The following FRMD4A variants were observed in gnomAD, a reference collection of about 807,000 sequenced individuals.
FRMD4A encodes the protein FERM domain containing 4A, also known as FERM domain-containing protein 4A.
FRMD4A carries 29 observed loss-of-function variants against 129.1 expected under a neutral mutation model. The ratio of observed to expected loss-of-function variants is 0.22; its 90% CI spans 0.17 to 0.31. The LOEUF (loss-of-function observed/expected upper bound fraction) is 0.31, where lower values mean the gene tolerates loss of function less well. Among genes scored for constraint, FRMD4A ranks in the 10% least tolerant of loss-of-function variants. The pLI is 1.00. For synonymous variants in FRMD4A, 634 were observed against 571.6 expected, an observed-to-expected ratio of 1.11 and a Z score of -1.56; for missense variants, 1,272 against 1,375.8, an observed-to-expected ratio of 0.92 and a Z score of 1.19.
At chr10:14,162,171 A>G (rs1840924630) in intron 2 of FRMD4A, among the ~76,000 whole-genome samples, 1 of 152,156 alleles carries the variant, frequency 6.6e-6, no homozygotes, top group African/African-American at 2.4e-5. Context: ...CTTATAGCAC[A>G]TCTCAAGGCA....
chr10:14,180,141 T>C (rs1022791106), intron 2 of FRMD4A, among the ~76,000 whole-genome samples: 15 of 152,206 alleles, frequency 9.9e-5, no homozygotes, highest in Non-Finnish European at 1.9e-4. Context: ...TTTTATAAGA[T>C]TGGAGAGGTG....
At chr10:13,927,045 G>A (rs2095141197) in intron 2 of FRMD4A, among the ~76,000 whole-genome samples, 1 of 152,134 alleles carries the variant, frequency 6.6e-6, no homozygotes, top group Non-Finnish European at 1.5e-5. Context: ...CTTGAGGTCA[G>A]GACTTGAAGA....
intron 2 of FRMD4A, among the ~76,000 whole-genome samples, chr10:14,279,020 C>G (rs1204224969): frequency 6.6e-6 from 1 of 152,040 alleles, no homozygotes; most frequent in Non-Finnish European, 1.5e-5. Context: ...TTCTCTAATG[C>G]ATCTAACAGT....
intron 6 of FRMD4A, among the ~76,000 whole-genome samples, chr10:13,781,055 C>T (rs2092719731): frequency 1.3e-5 from 2 of 152,158 alleles, no homozygotes; most frequent in Admixed American, 6.5e-5. Flanking sequence ...GTAATCCCAG[C>T]ACTTTGGAAG....
chr10:14,323,930 C>T (rs1487982352), intron 2 of FRMD4A, among the ~76,000 whole-genome samples: 1 of 152,192 alleles, frequency 6.6e-6, no homozygotes, highest in Non-Finnish European at 1.5e-5. Context: ...AAGAATCTGC[C>T]AGAAAATGAA....
chr10:13,899,927 G>A (rs915369989), intron 2 of FRMD4A, among the ~76,000 whole-genome samples: 1 of 152,162 alleles, frequency 6.6e-6, no homozygotes, highest in Non-Finnish European at 1.5e-5. Flanking sequence ...TTCCTAACCT[G>A]CACCATATGG....
intron 12 of FRMD4A, chr10:13,729,514 T>C (rs1010993751): frequency 5.3e-5 from 8 of 152,248 alleles, no homozygotes; most frequent in African/African-American, 1.9e-4. Flanking sequence ...ATATTTCCTG[T>C]AAATATTATT....
intron 5 of FRMD4A, among the ~76,000 whole-genome samples, chr10:13,787,626 A>AT (rs2092900631): frequency 6.6e-6 from 1 of 151,776 alleles, no homozygotes; most frequent in Non-Finnish European, 1.5e-5. Flanking sequence ...ATGCTGACTA[A>AT]TTTTTTATTT....
chr10:14,294,236 A>C (rs566366069), intron 2 of FRMD4A, among the ~76,000 whole-genome samples: 19 of 152,312 alleles, frequency 1.2e-4, no homozygotes, highest in African/African-American at 4.6e-4. Context: ...TATTTTGTGC[A>C]TATGATGTAT....
chr10:14,090,604 CAG>C (rs1836605188), intron 2 of FRMD4A, among the ~76,000 whole-genome samples: 1 of 152,142 alleles, frequency 6.6e-6, no homozygotes, highest in African/African-American at 2.4e-5. Context: ...ATCGATTGCC[CAG>C]AGAGTGGGGG....
intron 2 of FRMD4A, among the ~76,000 whole-genome samples, chr10:14,029,027 C>T (rs1286263531): frequency 2.0e-5 from 3 of 152,134 alleles, no homozygotes; most frequent in African/African-American, 7.2e-5. Flanking sequence ...TGGGGCTGGC[C>T]GGTTGAGAAT....
intron 6 of FRMD4A, among the ~76,000 whole-genome samples, chr10:13,779,106 C>G (rs1435499999): frequency 6.6e-6 from 1 of 152,118 alleles, no homozygotes; most frequent in Non-Finnish European, 1.5e-5. Context: ...ATCATGAGGT[C>G]AGGCGTTCGA....
chr10:13,784,576 C>G lies in FRMD4A; in HGVS notation c.300-1570G>C, dbSNP rs142203714. Among the ~76,000 whole-genome samples, 966 of 152,276 alleles carry G rather than the reference C, an allele frequency of 6.3e-3. 13 individuals carry two copies. Among genetic ancestry groups the G allele is most frequent in the African/African-American group, 0.017 (721 of 41,548 alleles). The stretch of plus-strand genomic sequence containing the variant: ...CTTCAAATGATACTTTTAGATTCCA[C>G]TGGGAAATGGAAGAGGAGGAGAGTT... On this transcript the variant is annotated intron_variant, in intron 5 of 24. Coordinates refer to ENST00000357447, the MANE Select transcript of FRMD4A (RefSeq NM_018027.5).
At chr10:14,302,683 C>A (rs1846223685) in intron 2 of FRMD4A, among the ~76,000 whole-genome samples, 1 of 152,184 alleles carries the variant, frequency 6.6e-6, no homozygotes, top group Admixed American at 6.5e-5. Flanking sequence ...CAGTCAGAGG[C>A]TGGAGTCATT....
intron 2 of FRMD4A, among the ~76,000 whole-genome samples, chr10:14,155,909 C>T (rs1371132513): frequency 6.6e-6 from 1 of 152,106 alleles, no homozygotes; most frequent in Non-Finnish European, 1.5e-5. Context: ...TGCTACATAA[C>T]ACAGTGAAGA....
intron 2 of FRMD4A, among the ~76,000 whole-genome samples, chr10:14,081,223 T>C (rs1835909784): frequency 6.6e-6 from 1 of 152,176 alleles, no homozygotes. Context: ...CTTCCTTCTC[T>C]ACTTGCGTGA....
chr10:14,193,685 A>AT (rs942508184), intron 2 of FRMD4A, among the ~76,000 whole-genome samples: 1 of 129,898 alleles, frequency 7.7e-6, no homozygotes, highest in Admixed American at 7.9e-5. Context: ...TGGTCTACAA[A>AT]TTAAAAAAAA....
At chr10:13,704,839 G>T (rs1469605291) in intron 13 of FRMD4A, among the ~76,000 whole-genome samples, 2 of 151,790 alleles carry the variant, frequency 1.3e-5, no homozygotes, top group Non-Finnish European at 2.9e-5. Context: ...GAGAGGCCAA[G>T]ATGGGAGGAT....
chr10:13,803,806 T>C (rs959014846), intron 4 of FRMD4A, among the ~76,000 whole-genome samples: 1 of 152,222 alleles, frequency 6.6e-6, no homozygotes, highest in African/African-American at 2.4e-5. Flanking sequence ...AGCTTCACAA[T>C]ATGCCCCACA....
Sources: gnomAD v4.1 joint callset for allele counts (sites outside exome capture counted in the v4.1 genomes callset) on GRCh38, gnomAD v4.1.1 for gene constraint, MANE v1.5 for transcripts, NCBI Gene and HGNC (gene_info 2026-07-23, HGNC 2026-07-21) for gene names.